Variants in MMD2 observed in about 807,000 individuals in gnomAD.
The protein encoded by MMD2 is monocyte to macrophage differentiation associated 2, also known as monocyte to macrophage differentiation factor 2.
MMD2 carries 30 observed loss-of-function variants against 33.5 expected under a neutral mutation model. That is an observed-to-expected ratio of 0.90 (90% confidence interval 0.67 to 1.22). The LOEUF (loss-of-function observed/expected upper bound fraction) is 1.22, where lower values mean the gene tolerates loss of function less well. MMD2 is among the 50% of genes most tolerant of loss of function. The pLI, the probability that MMD2 is intolerant of heterozygous loss-of-function variation, is 0.00. For missense variants in MMD2, 364 were observed against 325.4 expected (o/e 1.12, Z -0.91); for synonymous variants, 129 against 123.0 (o/e 1.05, Z -0.32).
intron 5 of MMD2, among the ~76,000 whole-genome samples, chr7:4,910,591 C>G (rs1013680726): frequency 2.6e-5 from 4 of 152,054 alleles, no homozygotes; most frequent in African/African-American, 9.7e-5. Flanking sequence ...GCCTCCCCCC[C>G]TAACCCCGGC....
chr7:4,943,004 C>CTT lies in MMD2; in HGVS notation c.47+15965_47+15966dup, dbSNP rs33983457. Among the ~76,000 whole-genome samples, 344 of 85,664 alleles carry CTT rather than the reference C, an allele frequency of 4.0e-3. 6 individuals are homozygous for CTT. Among genetic ancestry groups the CTT allele is most frequent in the African/African-American group, 9.9e-3 (230 of 23,148 alleles). The allele number at this position is 85,664 out of a possible 152,430, so 56.2% of individuals were successfully genotyped here. On this transcript the variant is annotated intron_variant, in intron 1 of 6. Transcript: ENST00000401401. The stretch of plus-strand genomic sequence containing the variant: ...ACACTTCAGGAGGTCCTGCCCTTTT[C>CTT]TTTTTTTTTTTTTTTTTTTTTTTGA...
intron 1 of MMD2, among the ~76,000 whole-genome samples, chr7:4,926,399 T>C (rs1274990835): frequency 1.3e-5 from 2 of 151,972 alleles, no homozygotes; most frequent in Non-Finnish European, 2.9e-5. Context: ...CGGCCTCATT[T>C]CCTGTTTCTT....
intron 1 of MMD2, among the ~76,000 whole-genome samples, chr7:4,938,480 A>C (rs1785813086): frequency 6.6e-6 from 1 of 151,862 alleles, no homozygotes; most frequent in South Asian, 2.1e-4. Flanking sequence ...CTCCTCTCTA[A>C]AGCCACTAAT....
At chr7:4,949,838 G>A (rs1377116930) in intron 1 of MMD2, among the ~76,000 whole-genome samples, 3 of 151,994 alleles carry the variant, frequency 2.0e-5, no homozygotes, top group Non-Finnish European at 2.9e-5. Flanking sequence ...CAGTACTATG[G>A]CATTTTATAA....
At chr7:4,939,057 A>C (rs1785829957) in intron 1 of MMD2, among the ~76,000 whole-genome samples, 1 of 151,988 alleles carries the variant, frequency 6.6e-6, no homozygotes, top group Non-Finnish European at 1.5e-5. Context: ...AAAATACAAA[A>C]CAATTAGCTG....
At chr7:4,952,153 T>C (rs949498600) in intron 1 of MMD2, among the ~76,000 whole-genome samples, 2 of 152,180 alleles carry the variant, frequency 1.3e-5, no homozygotes, top group African/African-American at 4.8e-5. Context: ...CAAGAGGGTT[T>C]GAATGGCCCC....
intron 1 of MMD2, among the ~76,000 whole-genome samples, chr7:4,945,900 A>G (rs1786062940): frequency 6.6e-6 from 1 of 152,188 alleles, no homozygotes; most frequent in South Asian, 2.1e-4. Flanking sequence ...TCCAGGACAG[A>G]GGAGTGAAAA....
intron 6 of MMD2, among the ~76,000 whole-genome samples, chr7:4,908,767 C>T (rs560748491): frequency 5.3e-5 from 8 of 151,726 alleles, no homozygotes; most frequent in African/African-American, 1.9e-4. Flanking sequence ...AGTGGTGGCA[C>T]GCGCCTGTAA....
chr7:4,920,142 G>T (rs575105039), intron 3 of MMD2, 29 bp downstream of exon 3: 1 of 1,548,770 alleles, frequency 6.5e-7, no homozygotes, highest in South Asian at 1.2e-5. Context: ...CCCCCTACCC[G>T]GCATGGGTCC....
At chr7:4,917,502 A>G (rs1785170287) in intron 3 of MMD2, among the ~76,000 whole-genome samples, 1 of 151,972 alleles carries the variant, frequency 6.6e-6, no homozygotes, top group Non-Finnish European at 1.5e-5. Context: ...TTTCTACAAA[A>G]AATACAAAAC....
chr7:4,928,828 T>G (rs1785499396), intron 1 of MMD2, among the ~76,000 whole-genome samples: 1 of 151,900 alleles, frequency 6.6e-6, no homozygotes, highest in Non-Finnish European at 1.5e-5. Context: ...TAAGTATAGT[T>G]CATGAAGCAT....
chr7:4,924,300 G>T (rs925347536), intron 2 of MMD2, among the ~76,000 whole-genome samples: 2 of 152,248 alleles, frequency 1.3e-5, no homozygotes, highest in African/African-American at 2.4e-5. Flanking sequence ...CTATGACACC[G>T]GTGGCCCATT....
At chr7:4,910,590 C>G (rs112850084) in intron 5 of MMD2, among the ~76,000 whole-genome samples, 78 of 152,132 alleles carry the variant, frequency 5.1e-4, no homozygotes, top group East Asian at 1.2e-3. Flanking sequence ...CGCCTCCCCC[C>G]CTAACCCCGG....
At chr7:4,915,633 G>A (rs183658433) in intron 4 of MMD2, among the ~76,000 whole-genome samples, 9 of 151,768 alleles carry the variant, frequency 5.9e-5, no homozygotes, top group South Asian at 2.1e-4. Flanking sequence ...CCAGCTACTC[G>A]GGAGGCAGAG....
chr7:4,905,045 C>G (rs1376911511), downstream of MMD2, among the ~76,000 whole-genome samples: 3 of 152,108 alleles, frequency 2.0e-5, no homozygotes, highest in East Asian at 1.9e-4. This position sits in a 1 kb window ranked among gnomAD's most constrained non-coding sequence, Gnocchi z 5.0. Flanking sequence ...ACCAGTGGGA[C>G]CAGCACCTCC....
chr7:4,931,007 G>A (rs1337641580), intron 1 of MMD2, among the ~76,000 whole-genome samples: 2 of 151,944 alleles, frequency 1.3e-5, no homozygotes, highest in Non-Finnish European at 2.9e-5. Context: ...CCCGCCACCA[G>A]GCCTGGCTAT....
intron 4 of MMD2, among the ~76,000 whole-genome samples, chr7:4,912,956 G>A (rs1470807957): frequency 1.3e-5 from 2 of 152,032 alleles, no homozygotes; most frequent in African/African-American, 4.8e-5. Context: ...TGCCCTCCTC[G>A]GCCTGCCAAA....
chr7:4,948,100 A>C (rs1323442952), intron 1 of MMD2, among the ~76,000 whole-genome samples: 1 of 152,136 alleles, frequency 6.6e-6, no homozygotes, highest in Non-Finnish European at 1.5e-5. Flanking sequence ...CCATGATCCA[A>C]TCAGCTCCCA....
chr7:4,904,636 A>C (rs1207331475), downstream of MMD2, among the ~76,000 whole-genome samples: 10 of 152,194 alleles, frequency 6.6e-5, no homozygotes, highest in Non-Finnish European at 1.2e-4. Context: ...ACTAATGAGG[A>C]GAGCAGGTGG....
Sources: gnomAD v4.1 joint callset for allele counts (sites outside exome capture counted in the v4.1 genomes callset) on GRCh38, gnomAD v4.1.1 for gene constraint, Gnocchi (gnomAD v3.1) non-coding constraint, MANE v1.5 for transcripts, NCBI Gene and HGNC (gene_info 2026-07-23, HGNC 2026-07-21) for gene names.